SELENOP: variants seen among roughly 807,000 people sequenced by gnomAD.
The protein encoded by SELENOP is selenoprotein P, also known as selenoprotein P, plasma, 1.
SELENOP carries 36 observed loss-of-function variants against 41.0 expected under a neutral mutation model. That is an observed-to-expected ratio of 0.88 (90% CI 0.67 to 1.16). The LOEUF is 1.16. Among genes scored for constraint, SELENOP ranks in the 50% most tolerant of loss-of-function variants. The probability of loss-of-function intolerance (pLI) is 0.00; values close to 1 mark genes in which losing one functional copy is unlikely to be tolerated. For missense variants in SELENOP, 440 were observed against 454.2 expected (o/e 0.97, Z 0.28); for synonymous variants, 144 against 150.8 (o/e 0.95, Z 0.33).
At chr5:42,802,109 A>G (rs1020410825) in intron 4 of SELENOP, 3 of 152,164 alleles carry the variant, frequency 2.0e-5, no homozygotes, top group Non-Finnish European at 2.9e-5. Context: ...AATGTTTTGA[A>G]CTTCACCAAA....
intron 1 of SELENOP, among the ~76,000 whole-genome samples, chr5:42,811,012 A>G (rs533676647): frequency 6.6e-6 from 1 of 152,370 alleles, no homozygotes; most frequent in South Asian, 2.1e-4. Context: ...ATGAAGATAA[A>G]TAACAAAATT....
At chr5:42,804,916 G>A (rs540330976) in intron 3 of SELENOP, 143 bp from the exon 4 acceptor site, 3 of 506,728 alleles carry the variant, frequency 5.9e-6, no homozygotes, top group South Asian at 4.0e-5. Flanking sequence ...TTGGATGAGA[G>A]CTACAAATGA....
Position 42,806,927 on chromosome 5 carries a change from C to A in SELENOP, c.385G>T (p.Gly129Ter). Residue 129 changes from glycine (G) to a stop codon, truncating the protein, a stop_gained, in exon 3 of 5, where the codon GGA becomes TGA. Coordinates refer to ENST00000514985, the MANE Select transcript of SELENOP (RefSeq NM_005410.4). LOFTEE classifies it high-confidence loss of function. ...NQTDVWTLLN[G>*]SKDDFLIYDR... ...TATATGAGGAAGTCATCTTTGCTTC[C>A]ATTTAAAAGAGTCCAGACATCTGTT... is the stretch of plus-strand genomic sequence containing the variant. The A allele has an allele frequency of 6.2e-7, 1 of 1,609,302 alleles. No individual in the cohort carries two copies. Among genetic ancestry groups the A allele is most frequent in the South Asian group, 1.1e-5 (1 of 90,552 alleles).
rs1579737082 is a variant in SELENOP, at chr5:42,808,157, G to T, written c.197C>A (p.Ala66Glu). The change falls in exon 2 of 5, where the codon GCA (alanine) becomes GAA (glutamate). Residue 66 changes from alanine (A) to glutamate (E), a missense_variant. By Grantham distance (107) the Ala-to-Glu change is moderately radical (BLOSUM62 -1). Transcript: ENST00000514985. Reference protein sequence around the residue: ...QASUYLCILQASKLEDLRVKL... With the variant: ...QASUYLCILQESKLEDLRVKL... ...CACAGAAAGACTGTCTTACTTAGAT[G>T]CCTGCAGTATGCACAGGTATCAGCT... 6.6e-7 allele frequency: 1 copy of T among 1,507,956 alleles called. No homozygotes were observed. Among genetic ancestry groups the T allele is most frequent in the East Asian group, 2.5e-5 (1 of 40,632 alleles). 93.4% of individuals were successfully genotyped at this position (1,507,956 alleles called of 1,614,324 possible).
chr5:42,803,227 T>G (rs1760252406), intron 4 of SELENOP, among the ~76,000 whole-genome samples: 1 of 152,212 alleles, frequency 6.6e-6, no homozygotes, highest in Non-Finnish European at 1.5e-5. Flanking sequence ...AACTATTAAC[T>G]GCCTTTTTCA....
At chr5:42,807,896 A>G (rs2111645370) in intron 2 of SELENOP, 1 of 242,222 alleles carries the variant, frequency 4.1e-6, no homozygotes, top group Non-Finnish European at 7.8e-6. Context: ...CAAGTAATAC[A>G]TATTTAGTAG....
chr5:42,811,016 CA>C (rs1760447602), intron 1 of SELENOP, among the ~76,000 whole-genome samples: 1 of 152,100 alleles, frequency 6.6e-6, no homozygotes, highest in Admixed American at 6.5e-5. Context: ...AGATAAATAA[CA>C]AAATTGGGTT....
At position 42,801,019 on chromosome 5, in the gene SELENOP, T is replaced by TTATACATC; in HGVS notation, c.839_846dup (p.Asn283AspfsTer?). The TTATACATC allele has an allele frequency of 6.2e-7, 1 of 1,614,224 alleles. No homozygotes were observed. Among genetic ancestry groups the TTATACATC allele is most frequent in the Non-Finnish European group, 8.5e-7 (1 of 1,180,024 alleles). On this transcript the variant is annotated frameshift_variant, in exon 5 of 5. Coordinates refer to ENST00000514985, the MANE Select transcript of SELENOP (RefSeq NM_005410.4). LOFTEE classifies it high-confidence loss of function. ...GTGGGCAATTTACAGAGTAATTGAT[T>TTATACATC]TATACATCTCTTTCGACAGAGCTTC...
rs766886819 is a variant in SELENOP at position 42,807,092 on chromosome 5, C to T, written c.220G>A (p.Val74Ile). The T allele has an allele frequency of 6.1e-6, 9 of 1,485,220 alleles. No individual in the cohort carries two copies. The Admixed American group carries it at 1.6e-4, about 26-fold the overall frequency. The allele number at this position is 1,485,220 out of a possible 1,614,324, so 92.0% of individuals were successfully genotyped here. ...GAATATCCTTCTTTCTTCAGTTTTA[C>T]TCGCAGGTCTTCTAATCTAAAATAT... ...LQASKLEDLR[V>I]KLKKEGYSNI... The change falls in exon 3 of 5, where the codon GTA becomes ATA. Residue 74 changes from valine (V) to isoleucine (I), a missense_variant. Val to Ile is a conservative substitution (Grantham distance 29). Coordinates refer to ENST00000514985, the MANE Select transcript of SELENOP (RefSeq NM_005410.4).
In SELENOP at chr5:42,800,471, A is replaced by T. The variant is rs1760157432; in HGVS notation, c.*249T>A. 7.4e-6 allele frequency: 3 copies of T among 405,344 alleles called. No individual in the cohort carries two copies. The highest frequency in any genetic ancestry group is 8.3e-5 in the Admixed American group (2 of 23,980). 25.1% of individuals were successfully genotyped at this position (405,344 alleles called of 1,614,324 possible). On this transcript the variant is annotated 3_prime_UTR_variant, in exon 5 of 5. Transcript: ENST00000514985. Reference sequence around the variant, plus strand: ...CTCATTAAAGCAAATAGAACACTGGAAAAAGAAAAAAAAAGACATATTAAC... The same window carrying T: ...CTCATTAAAGCAAATAGAACACTGGTAAAAGAAAAAAAAAGACATATTAAC...
chr5:42,801,280 T>C lies in SELENOP; in HGVS notation c.586A>G (p.Lys196Glu), dbSNP rs1476906414. Residue 196 changes from lysine to glutamate, a missense_variant, in exon 5 of 5, where the codon AAA (lysine) becomes GAA (glutamate). Coordinates refer to ENST00000514985, the MANE Select transcript of SELENOP (RefSeq NM_005410.4). ...TGAGGCGATGGAGTTTCAACTGTTT[T>C]ATCCACAGTAGCCAAAGATACACGT... The part of the protein sequence containing the change: ...CKRVSLATVD[K>E]TVETPSPHYH... 7 of 1,613,856 alleles carry C rather than the reference T, an allele frequency of 4.3e-6. No homozygotes were observed. Among genetic ancestry groups the C allele is most frequent in the Non-Finnish European group, 5.9e-6 (7 of 1,179,990 alleles).
chr5:42,805,236 G>GT (rs1375187881), intron 3 of SELENOP: 1 of 152,298 alleles, frequency 6.6e-6, no homozygotes, highest in Non-Finnish European at 1.5e-5. Context: ...ATTTAAAAAT[G>GT]TATCTAATGC....
intron 1 of SELENOP, chr5:42,810,824 C>G (rs1373261322): frequency 1.0e-6 from 1 of 997,008 alleles, no homozygotes. Flanking sequence ...TCATTTCCCT[C>G]ATTTAGGTTT....
chr5:42,803,443 GATC>G (rs1466092458), intron 4 of SELENOP, among the ~76,000 whole-genome samples: 4 of 151,952 alleles, frequency 2.6e-5, no homozygotes, highest in African/African-American at 9.7e-5. Context: ...ACCCTCAAAA[GATC>G]ATTATAAAGA....
At chr5:42,810,446 T>A (rs1760434315) in intron 1 of SELENOP, among the ~76,000 whole-genome samples, 1 of 152,048 alleles carries the variant, frequency 6.6e-6, no homozygotes, top group Non-Finnish European at 1.5e-5. Context: ...AGCACATATT[T>A]ATTTATCTAT....
intron 1 of SELENOP, among the ~76,000 whole-genome samples, chr5:42,811,563 A>C (rs1760458105): frequency 6.6e-6 from 1 of 152,224 alleles, no homozygotes. Flanking sequence ...AGATTATAGA[A>C]TAAAAGGTTT....
rs1220379680 is a variant in SELENOP at position 42,805,986 on chromosome 5, AG to A, written c.416+909del. The A allele has an allele frequency of 2.0e-4, 31 of 152,384 alleles. 3 individuals carry two copies. The highest frequency in any genetic ancestry group is 7.2e-4 in the African/African-American group (30 of 41,596). 9.4% of individuals were successfully genotyped at this position (152,384 alleles called of 1,614,324 possible). Reference sequence around the variant, plus strand: ...TACAAAACAAGAAGAAATCAAGTGAAGAGATTAGTGGAAAAATCTAGAGGAG... The same window carrying A: ...TACAAAACAAGAAGAAATCAAGTGAAAGATTAGTGGAAAAATCTAGAGGAG... On this transcript the variant is annotated intron_variant, in intron 3 of 4. Coordinates refer to ENST00000514985, the MANE Select transcript of SELENOP (RefSeq NM_005410.4).
rs1286049173 is a variant in SELENOP, at chr5:42,801,162, G to A, written c.704C>T (p.Pro235Leu). The A allele has an allele frequency of 3.1e-6, 5 of 1,614,034 alleles. No individual in the cohort carries two copies. In the East Asian group the frequency reaches 1.1e-4, roughly 36 times the overall value. Residue 235 changes from proline (P) to leucine (L), a missense_variant, in exon 5 of 5, where the codon CCT (proline) becomes CTT (leucine). Coordinates refer to ENST00000514985, the MANE Select transcript of SELENOP (RefSeq NM_005410.4). ...AAGGCCTGGAGGAGCAGGATGAGTA[G>A]GAGCATTTGGTGCTCCTGGTTGCTG... The part of the protein sequence containing the change: ...ENQQPGAPNA[P>L]THPAPPGLHH...
At position 42,806,878 on chromosome 5, in the gene SELENOP, TTG is replaced by T; in HGVS notation, c.416+16_416+17del. On this transcript the variant is annotated intron_variant, in intron 3 of 4. Transcript: ENST00000514985. ...AGTTATTTTTAAATTTGGGATGTGT[TTG>T]TGTGTATGTACAAACCTATCATATA... is the stretch of plus-strand genomic sequence containing the variant. 7.0e-7 allele frequency: 1 copy of T among 1,434,998 alleles called. No homozygotes were observed. Among genetic ancestry groups the T allele is most frequent in the Non-Finnish European group, 9.7e-7 (1 of 1,036,110 alleles). 88.9% of individuals were successfully genotyped at this position (1,434,998 alleles called of 1,614,324 possible).
Sources: gnomAD v4.1 joint callset for allele counts (sites outside exome capture counted in the v4.1 genomes callset) on GRCh38, gnomAD v4.1.1 for gene constraint, MANE v1.5 for transcripts, NCBI Gene and HGNC (gene_info 2026-07-23, HGNC 2026-07-21) for gene names.